The following VAV2 variants were observed in gnomAD, a reference collection of about 807,000 sequenced individuals.
VAV2 encodes vav guanine nucleotide exchange factor 2, also known as guanine nucleotide exchange factor VAV2.
A neutral mutation model predicts 132.5 loss-of-function variants in VAV2; 67 were observed. The ratio of observed to expected loss-of-function variants is 0.51; its 90% CI spans 0.42 to 0.62. VAV2 has a LOEUF of 0.62. Ranked by LOEUF, VAV2 falls within the 20% of genes least tolerant of loss-of-function variation. The probability of loss-of-function intolerance (pLI) is 0.00; values close to 1 mark genes in which losing one functional copy is unlikely to be tolerated. For synonymous variants in VAV2, 492 were observed against 443.5 expected, an observed-to-expected ratio of 1.11 and a Z score of -1.37; for missense variants, 938 against 1,153.6, an observed-to-expected ratio of 0.81 and a Z score of 2.71.
intron 4 of VAV2, among the ~76,000 whole-genome samples, chr9:133,816,916 C>T (rs527646431): frequency 1.6e-4 from 24 of 152,178 alleles, no homozygotes; most frequent in Non-Finnish European, 3.1e-4. Context: ...CTTGAAATCA[C>T]GTAATGTAAA....
At chr9:133,803,026 G>A (rs752173207) in intron 9 of VAV2, among the ~76,000 whole-genome samples, 1 of 152,164 alleles carries the variant, frequency 6.6e-6, no homozygotes, top group Admixed American at 6.5e-5. Context: ...TTTTGAGGTG[G>A]ACCATGACCG....
rs778983476 is a variant in VAV2, at chr9:133,797,707, T to C, written c.936+3A>G. On this transcript the variant is annotated splice_donor_region_variant and intron_variant, in intron 10 of 29. Transcript: ENST00000371850. ...GCCAGGGCCAACGCCTGGCAGGACT[T>C]ACCTCGACTTTCTGCCTGAAGTCCT... 1.9e-6 allele frequency: 3 copies of C among 1,613,430 alleles called. No individual in the cohort carries two copies. Among genetic ancestry groups the C allele is most frequent in the Non-Finnish European group, 2.5e-6 (3 of 1,179,734 alleles).
intron 16 of VAV2, 118 bp from the exon 17 acceptor site, chr9:133,786,003 GGTGCCT>G (rs3081203): frequency 0.55 from 451,535 of 821,700 alleles, 128,358 homozygotes; most frequent in East Asian, 0.61. Flanking sequence ...TATGTGCACA[GGTGCCT>G]GTGCCTGTGT....
At chr9:133,989,412 C>A (rs1332132453) in intron 1 of VAV2, among the ~76,000 whole-genome samples, 1 of 148,250 alleles carries the variant, frequency 6.7e-6, no homozygotes, top group Admixed American at 6.8e-5. Context: ...CCCAGCTACT[C>A]GGGAGGATGA....
intron 4 of VAV2, among the ~76,000 whole-genome samples, chr9:133,822,270 C>T (rs1332456087): frequency 6.6e-6 from 1 of 152,216 alleles, no homozygotes; most frequent in Non-Finnish European, 1.5e-5. Flanking sequence ...CGCACTGGCC[C>T]CGGGCTGTCT....
intron 2 of VAV2, among the ~76,000 whole-genome samples, chr9:133,867,742 G>A (rs572709063): frequency 6.6e-6 from 1 of 152,366 alleles, no homozygotes; most frequent in East Asian, 1.9e-4. Flanking sequence ...CTTCTCCCAG[G>A]AGGAGCAAGG....
rs74380249 is a variant in VAV2 at position 133,927,070 on chromosome 9, C to A, written c.321+12033G>T. On this transcript the variant is annotated intron_variant, in intron 2 of 29. Coordinates refer to ENST00000371850, the MANE Select transcript of VAV2 (RefSeq NM_001134398.2). ...AGTCCTTGCTTTACTCAGGCTGAGT[C>A]CCCCCCTACACATGCTCTTATCAGG... Among the ~76,000 whole-genome samples the A allele has an allele frequency of 1.1e-3, 168 of 151,510 alleles. No homozygotes were observed. In the East Asian group the frequency reaches 0.018, roughly 16 times the overall value.
intron 2 of VAV2, among the ~76,000 whole-genome samples, chr9:133,924,044 G>A (rs977518453): frequency 2.6e-5 from 4 of 152,154 alleles, no homozygotes; most frequent in African/African-American, 9.7e-5. Flanking sequence ...TCATGTAAAT[G>A]ATGAGTTGAT....
At chr9:133,791,749 AC>A in intron 13 of VAV2, 33 bp downstream of exon 13, 2 of 1,589,168 alleles carry the variant, frequency 1.3e-6, no homozygotes, top group South Asian at 1.1e-5. Flanking sequence ...GTCCTCATCG[AC>A]CTTCCCTAGC....
intron 3 of VAV2, among the ~76,000 whole-genome samples, chr9:133,846,990 C>A (rs1320332998): frequency 6.6e-6 from 1 of 152,198 alleles, no homozygotes; most frequent in African/African-American, 2.4e-5. Context: ...GGGCTTTGAC[C>A]CTGTGGGTGG....
intron 1 of VAV2, among the ~76,000 whole-genome samples, chr9:133,962,003 C>T (rs187026850): frequency 6.6e-6 from 1 of 152,188 alleles, no homozygotes; most frequent in African/African-American, 2.4e-5. Context: ...TCAGCCACCA[C>T]CATCCCCACC....
chr9:133,819,977 A>T (rs1477127488), intron 4 of VAV2, among the ~76,000 whole-genome samples: 2 of 152,256 alleles, frequency 1.3e-5, no homozygotes, highest in Non-Finnish European at 2.9e-5. Flanking sequence ...TAATTAAGAT[A>T]AAAACCTACC....
chr9:133,965,811 C>A (rs1004103373), intron 1 of VAV2, among the ~76,000 whole-genome samples: 2 of 152,110 alleles, frequency 1.3e-5, no homozygotes, highest in Non-Finnish European at 2.9e-5. Context: ...ACACAGAAGA[C>A]CCTGAAGTGC....
intron 3 of VAV2, among the ~76,000 whole-genome samples, chr9:133,854,293 A>ACG (rs1837306521): frequency 6.7e-6 from 1 of 149,770 alleles, no homozygotes; most frequent in African/African-American, 2.5e-5. Context: ...ACACACACAC[A>ACG]CCCATGTGCA....
chr9:133,812,310 G>T, intron 4 of VAV2, 94 bp from the exon 5 acceptor site: 2 of 1,258,354 alleles, frequency 1.6e-6, no homozygotes, highest in Non-Finnish European at 2.3e-6. Context: ...GGACGCAGGC[G>T]GCTGGGGCCA....
chr9:133,765,766 A>T (rs1334691718), intron 29 of VAV2, among the ~76,000 whole-genome samples: 1 of 152,214 alleles, frequency 6.6e-6, no homozygotes, highest in African/African-American at 2.4e-5. Context: ...ACTTAGGGGT[A>T]AAGAAATATG....
intron 9 of VAV2, among the ~76,000 whole-genome samples, chr9:133,803,782 G>A (rs903059811): frequency 4.6e-5 from 7 of 152,098 alleles, no homozygotes; most frequent in Non-Finnish European, 5.9e-5. Flanking sequence ...TCGTGCCCTC[G>A]CTTAATAAAA....
intron 13 of VAV2, among the ~76,000 whole-genome samples, chr9:133,790,330 G>C (rs1834403903): frequency 6.6e-6 from 1 of 152,114 alleles, no homozygotes; most frequent in African/African-American, 2.4e-5. Context: ...GCACCCGCCA[G>C]CACGCCTGGC....
At chr9:133,792,201 T>TGG (rs1834507943) in intron 12 of VAV2, among the ~76,000 whole-genome samples, 1 of 140,326 alleles carries the variant, frequency 7.1e-6, no homozygotes, top group South Asian at 2.3e-4. Flanking sequence ...TGTGTGTGAC[T>TGG]GTGTGTGTGA....
Sources: allele counts gnomAD v4.1 joint callset (sites outside exome capture counted in the v4.1 genomes callset), GRCh38; gene constraint gnomAD v4.1.1; transcripts MANE v1.5; gene names NCBI Gene and HGNC (gene_info 2026-07-23, HGNC 2026-07-21).